DUSP16: variants seen among roughly 807,000 people sequenced by gnomAD.
DUSP16 encodes dual specificity protein phosphatase 16.
DUSP16 carries 21 observed loss-of-function variants against 58.3 expected under a neutral mutation model. The ratio of observed to expected loss-of-function variants is 0.36; its 90% CI spans 0.26 to 0.52. DUSP16 has a LOEUF of 0.52. DUSP16 is among the 20% of genes least tolerant of loss of function. The pLI is 0.94. For synonymous variants in DUSP16, 320 were observed against 323.8 expected (o/e 0.99, Z 0.12); for missense variants, 726 against 819.0 (o/e 0.89, Z 1.39).
At chr12:12,542,538 A>G (rs532124151) in intron 1 of DUSP16, among the ~76,000 whole-genome samples, 77 of 152,182 alleles carry the variant, frequency 5.1e-4, no homozygotes, top group Non-Finnish European at 6.6e-4. Context: ...AAAATGTCCT[A>G]GAATTAGATA....
chr12:12,495,471 T>TA (rs970861318), intron 4 of DUSP16, among the ~76,000 whole-genome samples: 10 of 152,216 alleles, frequency 6.6e-5, no homozygotes, highest in African/African-American at 1.9e-4. Flanking sequence ...ATTTTATTAT[T>TA]ATGATTTCCA....
chr12:12,512,781 T>C (rs140482718), intron 3 of DUSP16, among the ~76,000 whole-genome samples: 4 of 152,298 alleles, frequency 2.6e-5, no homozygotes, highest in East Asian at 1.9e-4. Context: ...TCCTTAATAA[T>C]TGGCATACTT....
intron 5 of DUSP16, among the ~76,000 whole-genome samples, chr12:12,481,843 C>G (rs1943572561): frequency 6.6e-6 from 1 of 152,064 alleles, no homozygotes; most frequent in Admixed American, 6.5e-5. Flanking sequence ...CTATCATTTA[C>G]CCCACGTTAC....
chr12:12,475,054 C>T lies in DUSP16; in HGVS notation c.*1779G>A, dbSNP rs979224536. ...CGGCTCATCATCCCCATAACCAAGT[C>T]GGTCTGTGTTGAGTCATATCATTCT... On this transcript the variant is annotated 3_prime_UTR_variant, in exon 7 of 7. Transcript: ENST00000298573. The T allele has an allele frequency of 3.3e-5, 5 of 152,122 alleles. No homozygotes were observed. The highest frequency in any genetic ancestry group is 7.2e-5 in the African/African-American group (3 of 41,412). The allele number at this position is 152,122 out of a possible 1,614,324, so 9.4% of individuals were successfully genotyped here.
chr12:12,544,974 AT>A (rs1047450554), intron 1 of DUSP16, among the ~76,000 whole-genome samples: 6 of 152,140 alleles, frequency 3.9e-5, no homozygotes, highest in Non-Finnish European at 8.8e-5. Flanking sequence ...ATTCTGTTCC[AT>A]TATCCATTCA....
Position 12,477,489 on chromosome 12 carries a change from C to A in DUSP16, c.1342G>T (p.Val448Phe), listed in dbSNP as rs200519285. The A allele has an allele frequency of 7.5e-6, 12 of 1,596,222 alleles. No individual in the cohort carries two copies. The highest frequency in any genetic ancestry group is 9.4e-6 in the Non-Finnish European group (11 of 1,170,048). ...GTNKLCQFSP[V>F]QELSEQTPET... Reference sequence around the variant, plus strand: ...GGAGTCTGCTCCGATAGTTCCTGAACAGGGGAGAACTGGCATAGCTTGTTG... The same window carrying A: ...GGAGTCTGCTCCGATAGTTCCTGAAAAGGGGAGAACTGGCATAGCTTGTTG... Residue 448 changes from valine (V) to phenylalanine (F), a missense_variant, in exon 7 of 7, where the codon GTT (valine) becomes TTT (phenylalanine). Coordinates refer to ENST00000298573, the MANE Select transcript of DUSP16 (RefSeq NM_030640.3). The surrounding 1 kb of genome is among the most constrained non-coding windows in gnomAD (Gnocchi z 4.1).
At position 12,477,102 on chromosome 12, in the gene DUSP16, C is replaced by A; in HGVS notation, c.1729G>T (p.Ala577Ser). ...YSASAIYGGS[A>S]SYSAYSCSQL... ...CTGCAGCTGTAGGCAGAGTAACTGG[C>A]ACTGCCTCCGTAGATGGCTGAGGCA... Residue 577 changes from alanine to serine, a missense_variant, in exon 7 of 7, where the codon GCC becomes TCC. Physicochemically the swap from Ala to Ser is moderately conservative, Grantham distance 99. Coordinates refer to ENST00000298573, the MANE Select transcript of DUSP16 (RefSeq NM_030640.3). This position sits in a 1 kb window ranked among gnomAD's most constrained non-coding sequence, Gnocchi z 4.1. 2 of 1,614,270 alleles carry A rather than the reference C, an allele frequency of 1.2e-6. No individual in the cohort carries two copies.
intron 1 of DUSP16, among the ~76,000 whole-genome samples, chr12:12,534,423 C>G (rs1174265361): frequency 2.0e-5 from 3 of 152,204 alleles, no homozygotes; most frequent in African/African-American, 7.2e-5. Flanking sequence ...AGCGGAGTAG[C>G]CCCAGACGGG....
Position 12,521,140 on chromosome 12 carries a change from G to A in DUSP16, c.-42C>T. The A allele has an allele frequency of 6.3e-7, 1 of 1,596,056 alleles. No individual in the cohort carries two copies. ...CTTTTCCCACCTCCTTCTTTAATTT[G>A]CCACGATGATGTAATGGTGGTGTGC... On this transcript the variant is annotated 5_prime_UTR_variant, in exon 2 of 7. Coordinates refer to ENST00000298573, the MANE Select transcript of DUSP16 (RefSeq NM_030640.3).
intron 1 of DUSP16, among the ~76,000 whole-genome samples, chr12:12,543,620 G>A (rs1372668753): frequency 1.3e-5 from 2 of 151,984 alleles, no homozygotes; most frequent in Non-Finnish European, 2.9e-5. Context: ...GTTAATGAGT[G>A]ATAAATTGGC....
intron 5 of DUSP16, among the ~76,000 whole-genome samples, chr12:12,486,704 T>G (rs145005427): frequency 8.3e-4 from 127 of 152,314 alleles, no homozygotes; most frequent in Admixed American, 5.6e-3. Context: ...GTATAGGATT[T>G]GAAAAAGTTG....
chr12:12,543,022 A>G (rs1331138089), intron 1 of DUSP16, among the ~76,000 whole-genome samples: 1 of 152,198 alleles, frequency 6.6e-6, no homozygotes, highest in African/African-American at 2.4e-5. Context: ...GAACCAGATC[A>G]TGCTGGCACT....
chr12:12,500,426 T>C (rs547793642), intron 4 of DUSP16, 93 bp downstream of exon 4: 49 of 1,405,530 alleles, frequency 3.5e-5, no homozygotes, highest in Admixed American at 9.8e-5. Flanking sequence ...GCTCCTGAGA[T>C]TGGGGTGTGT....
At chr12:12,507,582 A>G (rs139396634) in intron 3 of DUSP16, among the ~76,000 whole-genome samples, 2 of 152,122 alleles carry the variant, frequency 1.3e-5, no homozygotes, top group Admixed American at 1.3e-4. Context: ...ATGGTTTCAC[A>G]GTTTTTGAAC....
At chr12:12,538,593 A>G (rs1384478501) in intron 1 of DUSP16, among the ~76,000 whole-genome samples, 3 of 152,210 alleles carry the variant, frequency 2.0e-5, no homozygotes, top group African/African-American at 4.8e-5. Context: ...AACGCAAAAT[A>G]TTTCAAAAGA....
At chr12:12,549,831 T>A (rs1057509623) in intron 1 of DUSP16, among the ~76,000 whole-genome samples, 1 of 152,084 alleles carries the variant, frequency 6.6e-6, no homozygotes, top group African/African-American at 2.4e-5. Flanking sequence ...TAAAGTGCTC[T>A]CACTGACTCT....
At chr12:12,536,034 T>G (rs1229541163) in intron 1 of DUSP16, among the ~76,000 whole-genome samples, 1 of 152,190 alleles carries the variant, frequency 6.6e-6, no homozygotes, top group African/African-American at 2.4e-5. Flanking sequence ...ACTAAGAGAA[T>G]TTCACTCTGG....
At chr12:12,498,696 G>A (rs934903691) in intron 4 of DUSP16, among the ~76,000 whole-genome samples, 6 of 152,132 alleles carry the variant, frequency 3.9e-5, no homozygotes, top group Non-Finnish European at 8.8e-5. Context: ...ATTCCAAAGT[G>A]TGTGAGCCAC....
chr12:12,512,328 G>A (rs1944091004), intron 3 of DUSP16, among the ~76,000 whole-genome samples: 1 of 152,106 alleles, frequency 6.6e-6, no homozygotes, highest in Non-Finnish European at 1.5e-5. Flanking sequence ...TGCTCTTTTT[G>A]TTGTGGTGAG....
Sources: gnomAD v4.1 joint callset for allele counts (sites outside exome capture counted in the v4.1 genomes callset) on GRCh38, gnomAD v4.1.1 for gene constraint, Gnocchi (gnomAD v3.1) non-coding constraint, MANE v1.5 for transcripts, NCBI Gene and HGNC (gene_info 2026-07-23, HGNC 2026-07-21) for gene names.